TFB2M: variants seen among roughly 807,000 people sequenced by gnomAD.
TFB2M encodes the protein dimethyladenosine transferase 2, mitochondrial.
In TFB2M, 44 loss-of-function variants were observed where a neutral mutation model predicts 41.3. That is an observed-to-expected ratio of 1.07 (90% CI 0.84 to 1.37). The LOEUF (loss-of-function observed/expected upper bound fraction) is 1.37. Among genes scored for constraint, TFB2M ranks in the 40% most tolerant of loss-of-function variants. The pLI, the probability that TFB2M is intolerant of heterozygous loss-of-function variation, is 0.00. For missense variants in TFB2M, 496 were observed against 490.2 expected (o/e 1.01, Z -0.11); for synonymous variants, 188 against 176.8 (o/e 1.06, Z -0.50).
chr1:246,548,548 A>G lies in TFB2M; in HGVS notation c.855T>C (p.Arg285=), dbSNP rs1305987862. The part of the protein sequence containing the change: ...TRKGPLENPK[R]RELLDQLQQK... ...AAAGGTATTATTTTATTCTTACCCTACGCTTTGGGTTTTCCAGCGGCCCTT... is the reference window on the plus strand; with the variant it reads ...AAAGGTATTATTTTATTCTTACCCTGCGCTTTGGGTTTTCCAGCGGCCCTT... Residue 285 remains arginine, a synonymous_variant, in exon 6 of 8, where the codon CGT becomes CGC. Transcript: ENST00000366514. The G allele has an allele frequency of 1.2e-6, 2 of 1,613,160 alleles. No individual in the cohort carries two copies. The highest frequency in any genetic ancestry group is 2.2e-5 in the East Asian group (1 of 44,848).
At chr1:246,548,106 CCA>C (rs1659073113) in intron 6 of TFB2M, among the ~76,000 whole-genome samples, 2 of 151,488 alleles carry the variant, frequency 1.3e-5, no homozygotes, top group Non-Finnish European at 2.9e-5. Context: ...GCCACCACAC[CCA>C]GCTAAGTTTT....
At chr1:246,558,452 T>TA (rs1261831826) in intron 2 of TFB2M, among the ~76,000 whole-genome samples, 1 of 152,100 alleles carries the variant, frequency 6.6e-6, no homozygotes, top group Non-Finnish European at 1.5e-5. Flanking sequence ...CGGCCCCACT[T>TA]ACTTTCTTTA....
At chr1:246,545,181 A>C (rs1185037989) in intron 6 of TFB2M, among the ~76,000 whole-genome samples, 1 of 152,080 alleles carries the variant, frequency 6.6e-6, no homozygotes, top group Non-Finnish European at 1.5e-5. Flanking sequence ...CATTTCTCAG[A>C]GTTGTTTGTG....
rs1558517445 is a variant in TFB2M, at chr1:246,565,842, C to T, written c.297G>A (p.Leu99=). ...TGGACTCACCTGGATTGCACTCCAG[C>T]AGTAGGTGTGGAGGTCTACTTGGTT... The part of the protein sequence containing the change: ...LGKPSRPPHL[L]LECNPGPGIL... The change falls in exon 1 of 8, where the codon CTG becomes CTA. Residue 99 remains leucine, a synonymous_variant. Coordinates refer to ENST00000366514, the MANE Select transcript of TFB2M (RefSeq NM_022366.3). The T allele has an allele frequency of 1.2e-6, 2 of 1,601,768 alleles. No homozygotes were observed. Among genetic ancestry groups the T allele is most frequent in the Non-Finnish European group, 8.6e-7 (1 of 1,169,516 alleles).
At chr1:246,548,471 A>C (rs1003280002) in intron 6 of TFB2M, 74 bp downstream of exon 6, 2 of 1,319,332 alleles carry the variant, frequency 1.5e-6, no homozygotes, top group Non-Finnish European at 2.1e-6. Flanking sequence ...CAGACTACCA[A>C]ATAGTCCTAA....
At chr1:246,548,484 A>C in intron 6 of TFB2M, 61 bp downstream of exon 6, 1 of 1,437,338 alleles carries the variant, frequency 7.0e-7, no homozygotes, top group Non-Finnish European at 9.5e-7. Flanking sequence ...AGTCCTAAAA[A>C]AATAAAATAA....
At chr1:246,555,252 T>C (rs1350461030) in intron 4 of TFB2M, among the ~76,000 whole-genome samples, 1 of 152,136 alleles carries the variant, frequency 6.6e-6, no homozygotes, top group Non-Finnish European at 1.5e-5. Flanking sequence ...TATCAAATGG[T>C]GCATCCACGA....
rs1558517615 is a variant in TFB2M at position 246,565,916 on chromosome 1, C to T, written c.223G>A (p.Val75Ile). The change falls in exon 1 of 8, where the codon GTA becomes ATA. Residue 75 changes from valine (V) to isoleucine (I), a missense_variant. Transcript: ENST00000366514. ...SKASLDFKRY[V>I]TDRRLAETLA... is the part of the protein sequence containing the mutation. Reference sequence around the variant, plus strand: ...GTCTCAGCCAATCTCCGATCGGTTACGTAACGCTTAAAGTCTAAGCTGGCC... The same window carrying T: ...GTCTCAGCCAATCTCCGATCGGTTATGTAACGCTTAAAGTCTAAGCTGGCC... 1.2e-6 allele frequency: 2 copies of T among 1,614,164 alleles called. No homozygotes were observed. The highest frequency in any genetic ancestry group is 8.5e-7 in the Non-Finnish European group (1 of 1,180,006).
chr1:246,542,363 A>G (rs1272842679), intron 7 of TFB2M, among the ~76,000 whole-genome samples: 1 of 147,904 alleles, frequency 6.8e-6, no homozygotes, highest in African/African-American at 2.4e-5. Flanking sequence ...TAAGCCTCCA[A>G]CAACAACAAT....
Position 246,541,237 on chromosome 1 carries a change from C to A in TFB2M, c.1020-35G>T, listed in dbSNP as rs200183843. On this transcript the variant is annotated intron_variant, in intron 7 of 7. Transcript: ENST00000366514. ...AAATACAAAGTAAATGTACTTAATT[C>A]TTTCTCATGCATCTATCAGTTCACG... 1.3e-5 allele frequency: 20 copies of A among 1,591,238 alleles called. No homozygotes were observed. In the East Asian group the frequency reaches 2.5e-4, roughly 20 times the overall value.
chr1:246,557,996 T>C (rs1659368462), intron 2 of TFB2M, among the ~76,000 whole-genome samples: 1 of 152,050 alleles, frequency 6.6e-6, no homozygotes, highest in African/African-American at 2.4e-5. Context: ...AAAATATTTC[T>C]ACCTCCATAA....
intron 2 of TFB2M, among the ~76,000 whole-genome samples, chr1:246,558,873 T>C (rs1022268879): frequency 1.3e-4 from 20 of 152,138 alleles, no homozygotes; most frequent in African/African-American, 4.8e-4. Flanking sequence ...GAGACCTTCA[T>C]AGTTAGGGCA....
At chr1:246,557,119 C>CA (rs1237837653) in intron 3 of TFB2M, among the ~76,000 whole-genome samples, 1 of 151,844 alleles carries the variant, frequency 6.6e-6, no homozygotes, top group African/African-American at 2.4e-5. Context: ...ACCAAAAATA[C>CA]AAAAAAATAA....
intron 6 of TFB2M, among the ~76,000 whole-genome samples, chr1:246,548,159 G>T (rs1034423857): frequency 5.3e-5 from 8 of 152,086 alleles, no homozygotes; most frequent in African/African-American, 1.7e-4. Flanking sequence ...GTTGGCCAGG[G>T]TGGTCCCGAT....
At chr1:246,555,001 G>T (rs1184594535) in intron 4 of TFB2M, among the ~76,000 whole-genome samples, 1 of 152,006 alleles carries the variant, frequency 6.6e-6, no homozygotes, top group East Asian at 1.9e-4. Context: ...TTAAAACTCA[G>T]CAACAAACAA....
At chr1:246,541,253 T>A in intron 7 of TFB2M, 51 bp from the exon 8 acceptor site, 1 of 1,560,730 alleles carries the variant, frequency 6.4e-7, no homozygotes, top group South Asian at 1.2e-5. Context: ...CATGCATCTA[T>A]CAGTTCACGG....
At chr1:246,555,669 C>T (rs1252387677) in intron 4 of TFB2M, among the ~76,000 whole-genome samples, 1 of 152,220 alleles carries the variant, frequency 6.6e-6, no homozygotes, top group African/African-American at 2.4e-5. Flanking sequence ...TAGCTGTACA[C>T]TCAAAGGACT....
chr1:246,566,110 C>T lies in TFB2M; in HGVS notation c.29G>A (p.Arg10Gln). MWIPVVGLP[R>Q]RLRLSALAGA... ...CGCCAAGGCGGAGAGCCTCAGCCGC[C>T]GAGGAAGCCCGACCACTGGGATCCA... The change falls in exon 1 of 8, where the codon CGG becomes CAG. Residue 10 changes from arginine to glutamine, a missense_variant. Physicochemically the swap from Arg to Gln is conservative, Grantham distance 43. Coordinates refer to ENST00000366514, the MANE Select transcript of TFB2M (RefSeq NM_022366.3). 1 of 1,610,416 alleles carries T rather than the reference C, an allele frequency of 6.2e-7. No individual in the cohort carries two copies. Among genetic ancestry groups the T allele is most frequent in the Non-Finnish European group, 8.5e-7 (1 of 1,177,280 alleles).
rs188676553 is a variant in TFB2M at position 246,544,421 on chromosome 1, C to T, written c.1019+100G>A. ...AAGAAATATGAGGGAAAACATGGTA[C>T]CTCACTCTGTCAATCAAGATATAAA... On this transcript the variant is annotated intron_variant, in intron 7 of 7. Transcript: ENST00000366514. 3.5e-4 allele frequency: 375 copies of T among 1,075,102 alleles called. 2 individuals carry two copies. The highest frequency in any genetic ancestry group is 2.2e-3 in the Middle Eastern group (7 of 3,174). 66.6% of individuals were successfully genotyped at this position (1,075,102 alleles called of 1,614,324 possible).
Sources: allele counts gnomAD v4.1 joint callset (sites outside exome capture counted in the v4.1 genomes callset), GRCh38; gene constraint gnomAD v4.1.1; transcripts MANE v1.5; gene names NCBI Gene and HGNC (gene_info 2026-07-23, HGNC 2026-07-21).